The following KAZN variants were observed in gnomAD, a reference collection of about 807,000 sequenced individuals.
KAZN encodes the protein kazrin.
A neutral mutation model predicts 87.4 loss-of-function variants in KAZN; 40 were observed. The observed-to-expected ratio is 0.46, with a 90% CI of 0.36 to 0.60. KAZN has a LOEUF of 0.60. Among genes scored for constraint, KAZN ranks in the 20% least tolerant of loss-of-function variants. The pLI is 0.00. For synonymous variants in KAZN, 466 were observed against 458.3 expected (o/e 1.02, Z -0.22); for missense variants, 898 against 1,073.9 (o/e 0.84, Z 2.29).
chr1:14,013,211 G>A (rs1357082202), intron 1 of KAZN, among the ~76,000 whole-genome samples: 1 of 152,082 alleles, frequency 6.6e-6, no homozygotes, highest in Non-Finnish European at 1.5e-5. Flanking sequence ...ATTTTCTCTG[G>A]TTTCTCTAAA....
chr1:15,041,331 C>CTTTTTTTTTTTTT (rs71000360), intron 3 of KAZN, among the ~76,000 whole-genome samples: 5 of 114,172 alleles, frequency 4.4e-5, no homozygotes, highest in African/African-American at 7.1e-5. Context: ...CATTTTTTTT[C>CTTTTTTTTTTTTT]TTTTTTTTTT....
rs1217387141 is a variant in KAZN, at chr1:15,081,887, G to A, written c.1223-12293G>A. ...TGGGCTTTACCAGGGAGCCATTGAAGGATGATGAGCAGAAGAGGTCCCTGG... is the reference window on the plus strand; with the variant it reads ...TGGGCTTTACCAGGGAGCCATTGAAAGATGATGAGCAGAAGAGGTCCCTGG... On this transcript the variant is annotated intron_variant, in intron 8 of 14. Coordinates refer to ENST00000376030, the MANE Select transcript of KAZN (RefSeq NM_201628.3). The surrounding 1 kb of genome is among the most constrained non-coding windows in gnomAD (Gnocchi z 4.1). Among the ~76,000 whole-genome samples the A allele has an allele frequency of 6.6e-6, 1 of 152,152 alleles. No homozygotes were observed. The highest frequency in any genetic ancestry group is 1.5e-5 in the Non-Finnish European group (1 of 68,036).
In KAZN at chr1:14,376,368, G is replaced by A. The variant is rs59926617; in HGVS notation, c.249+195776G>A. 4.1e-3 allele frequency among the ~76,000 whole-genome samples: 624 copies of A among 152,210 alleles called. 7 individuals carry two copies. Among genetic ancestry groups the A allele is most frequent in the African/African-American group, 0.014 (596 of 41,530 alleles). On this transcript the variant is annotated intron_variant, in intron 2 of 16. Coordinates refer to the KAZN transcript ENST00000636203. The stretch of plus-strand genomic sequence containing the variant: ...AACTAGGAGGTAACTAGGTTATAAG[G>A]GGTCTTCCCTCATAAATGGATTAAT...
At chr1:14,095,306 T>G (rs866516627) in intron 1 of KAZN, among the ~76,000 whole-genome samples, 2 of 152,238 alleles carry the variant, frequency 1.3e-5, no homozygotes, top group African/African-American at 4.8e-5. Flanking sequence ...TCTAGTTATT[T>G]AAATAGGTTT....
At chr1:14,646,197 A>G (rs1035548717) in intron 1 of KAZN, among the ~76,000 whole-genome samples, 1 of 152,148 alleles carries the variant, frequency 6.6e-6, no homozygotes, top group Non-Finnish European at 1.5e-5. Context: ...GAATCTATAC[A>G]TTGTTAAATT....
chr1:14,733,272 G>A (rs1415720888), intron 1 of KAZN, among the ~76,000 whole-genome samples: 1 of 152,122 alleles, frequency 6.6e-6, no homozygotes, highest in Non-Finnish European at 1.5e-5. Context: ...TACCATGAAA[G>A]CAAGTCAGGA....
chr1:15,033,662 G>A (rs1671960897), intron 2 of KAZN, among the ~76,000 whole-genome samples: 1 of 152,190 alleles, frequency 6.6e-6, no homozygotes, highest in Non-Finnish European at 1.5e-5. Context: ...TTTCCCCGAT[G>A]ACAATTGATA....
intron 2 of KAZN, among the ~76,000 whole-genome samples, chr1:14,395,884 T>TA (rs1662855636): frequency 6.6e-6 from 1 of 152,054 alleles, no homozygotes; most frequent in South Asian, 2.1e-4. Context: ...TTTTAAGACT[T>TA]AAAGTGGGGC....
intron 2 of KAZN, among the ~76,000 whole-genome samples, chr1:14,572,342 A>C (rs532075188): frequency 2.0e-5 from 3 of 152,126 alleles, no homozygotes; most frequent in Non-Finnish European, 4.4e-5. Context: ...GGGCCTCAGG[A>C]GGTGCTGGCG....
At chr1:14,094,532 G>T (rs1349631039) in intron 1 of KAZN, among the ~76,000 whole-genome samples, 1 of 152,114 alleles carries the variant, frequency 6.6e-6, no homozygotes, top group Non-Finnish European at 1.5e-5. Flanking sequence ...CAACTGTTCA[G>T]CACCTTAAAA....
chr1:13,985,132 A>G (rs1329499435), intron 1 of KAZN, among the ~76,000 whole-genome samples: 1 of 152,146 alleles, frequency 6.6e-6, no homozygotes, highest in South Asian at 2.1e-4. Flanking sequence ...ATGTCTCTCT[A>G]TCAATTTATA....
At chr1:14,052,784 A>C (rs769225950) in intron 1 of KAZN, among the ~76,000 whole-genome samples, 3 of 152,214 alleles carry the variant, frequency 2.0e-5, no homozygotes, top group Non-Finnish European at 4.4e-5. Context: ...AAGGAGCTGA[A>C]TGAGGCAAGG....
intron 1 of KAZN, among the ~76,000 whole-genome samples, chr1:14,840,639 CCAACACTCA>C (rs529746575): frequency 4.5e-4 from 68 of 152,338 alleles, no homozygotes; most frequent in African/African-American, 1.4e-3. Context: ...CCTCAGAAGT[CCAACACTCA>C]TCCAGGCAGA....
chr1:14,090,425 G>A lies in KAZN; in HGVS notation c.92-90010G>A, dbSNP rs75166770. Among the ~76,000 whole-genome samples the A allele has an allele frequency of 4.9e-3, 744 of 151,174 alleles. 11 individuals are homozygous for A. In the South Asian group the frequency reaches 0.067, roughly 14 times the overall value. On this transcript the variant is annotated intron_variant, in intron 1 of 16. Coordinates refer to the KAZN transcript ENST00000636203. The stretch of plus-strand genomic sequence containing the variant: ...CAGTGTCTAATCTGCTGTCAATTCC[G>A]TCTGGTATTTTTTCCAGCTTGGATA...
intron 1 of KAZN, among the ~76,000 whole-genome samples, chr1:14,152,100 C>T (rs1334141455): frequency 1.3e-5 from 2 of 152,108 alleles, no homozygotes; most frequent in Non-Finnish European, 2.9e-5. Flanking sequence ...TTGATACAGG[C>T]ATGTAATGCA....
Position 14,184,602 on chromosome 1 carries a change from C to T in KAZN, c.249+4010C>T, listed in dbSNP as rs945762015. On this transcript the variant is annotated intron_variant, in intron 2 of 16. Coordinates refer to the KAZN transcript ENST00000636203. The surrounding 1 kb of genome is among the most constrained non-coding windows in gnomAD (Gnocchi z 4.2). ...ACACTGCATAGGATTTGGGTGGCTT[C>T]GTTTTTCTTTTCTCTTTTTAAAAGA... Among the ~76,000 whole-genome samples the T allele has an allele frequency of 1.3e-5, 2 of 152,082 alleles. No homozygotes were observed. Among genetic ancestry groups the T allele is most frequent in the African/African-American group, 2.4e-5 (1 of 41,422 alleles).
chr1:14,693,246 A>G (rs1411239479), intron 1 of KAZN, among the ~76,000 whole-genome samples: 1 of 152,174 alleles, frequency 6.6e-6, no homozygotes. Context: ...TGCCGTTCTT[A>G]ATAGAACCCC....
chr1:14,835,349 G>A (rs1647198391), intron 1 of KAZN, among the ~76,000 whole-genome samples: 1 of 152,166 alleles, frequency 6.6e-6, no homozygotes, highest in Non-Finnish European at 1.5e-5. Flanking sequence ...TTCAAAAAGA[G>A]GGACAGAATG....
chr1:14,828,521 G>A lies in KAZN; in HGVS notation c.227-132163G>A, dbSNP rs536310296. Reference sequence around the variant, plus strand: ...CTCTGGGATTGATTCTCTGCTCAACGGAGTCCCAGAACCAAGAGGAGAGAT... The same window carrying A: ...CTCTGGGATTGATTCTCTGCTCAACAGAGTCCCAGAACCAAGAGGAGAGAT... On this transcript the variant is annotated intron_variant, in intron 1 of 14. Coordinates refer to ENST00000376030, the MANE Select transcript of KAZN (RefSeq NM_201628.3). Among the ~76,000 whole-genome samples the A allele has an allele frequency of 2.1e-4, 32 of 152,208 alleles. 1 individual carries two copies. In the South Asian group the frequency reaches 5.8e-3, roughly 28 times the overall value.
Sources: allele counts gnomAD v4.1 joint callset (sites outside exome capture counted in the v4.1 genomes callset), GRCh38; gene constraint gnomAD v4.1.1; non-coding constraint Gnocchi (gnomAD v3.1); transcripts MANE v1.5; gene names NCBI Gene and HGNC (gene_info 2026-07-23, HGNC 2026-07-21).